OBI1: variants seen among roughly 807,000 people sequenced by gnomAD.
OBI1 encodes ORC ubiquitin ligase 1.
Under a neutral mutation model 62.4 loss-of-function variants are expected in OBI1, and 59 were observed. That is an observed-to-expected ratio of 0.95 (90% CI 0.77 to 1.17). The LOEUF is 1.17. OBI1 is among the 50% of genes most tolerant of loss of function. The probability of loss-of-function intolerance (pLI) is 0.00; values close to 1 mark genes in which losing one functional copy is unlikely to be tolerated. For missense variants in OBI1, 875 were observed against 830.9 expected, an observed-to-expected ratio of 1.05 and a Z score of -0.65; for synonymous variants, 302 against 292.8, an observed-to-expected ratio of 1.03 and a Z score of -0.32.
intron 1 of OBI1, among the ~76,000 whole-genome samples, chr13:78,654,473 C>T (rs1021954425): frequency 2.6e-5 from 4 of 152,154 alleles, no homozygotes; most frequent in Non-Finnish European, 5.9e-5. Flanking sequence ...ACATGGGCTC[C>T]ATGTACTGAC....
At position 78,648,311 on chromosome 13, in the gene OBI1, CAG is replaced by C. The variant is rs1555290041; in HGVS notation, c.73-3316_73-3315del. Among the ~76,000 whole-genome samples, 15 of 143,986 alleles carry C rather than the reference CAG, an allele frequency of 1.0e-4. No individual in the cohort carries two copies. In the South Asian group the frequency reaches 2.5e-3, roughly 24 times the overall value. The allele number at this position is 143,986 out of a possible 152,430, so 94.5% of individuals were successfully genotyped here. A position where few individuals can be genotyped will look rare whatever the true frequency, so the allele number is the denominator to read the frequency against. On this transcript the variant is annotated intron_variant, in intron 1 of 5. Coordinates refer to ENST00000282003, the MANE Select transcript of OBI1 (RefSeq NM_024546.4). ...ACACACACACACACACACACACACA[CAG>C]ACACACACACCCCTGCAATATTCCT... is the stretch of plus-strand genomic sequence containing the variant.
chr13:78,642,811 C>T (rs1012182848), intron 2 of OBI1, among the ~76,000 whole-genome samples: 8 of 152,116 alleles, frequency 5.3e-5, no homozygotes, highest in Non-Finnish European at 7.4e-5. Flanking sequence ...GGCATGAACC[C>T]GGGAGGCGGA....
At chr13:78,647,302 G>A (rs139716989) in intron 1 of OBI1, among the ~76,000 whole-genome samples, 28 of 152,318 alleles carry the variant, frequency 1.8e-4, no homozygotes, top group Middle Eastern at 6.8e-3. Context: ...TGCCTGCCCC[G>A]GGAATGGAAT....
At chr13:78,627,490 A>G (rs1053194420) in intron 5 of OBI1, among the ~76,000 whole-genome samples, 1 of 152,024 alleles carries the variant, frequency 6.6e-6, no homozygotes, top group Admixed American at 6.6e-5. Context: ...TGTGCTCTCA[A>G]TGTTCAATTT....
At chr13:78,626,159 ACT>A (rs1192254196) in intron 5 of OBI1, among the ~76,000 whole-genome samples, 5 of 152,098 alleles carry the variant, frequency 3.3e-5, no homozygotes, top group African/African-American at 4.8e-5. Context: ...TCTCTTTCTA[ACT>A]CTGAATCTCT....
Position 78,616,122 on chromosome 13 carries a change from C to G in OBI1, c.1639G>C (p.Glu547Gln), listed in dbSNP as rs776327321. The G allele has an allele frequency of 6.2e-7, 1 of 1,614,146 alleles. No homozygotes were observed. The highest frequency in any genetic ancestry group is 8.5e-7 in the Non-Finnish European group (1 of 1,180,026). ...KISELDSMMS[E>Q]SDNSKSPCNN... ...CAAGGGCTCTTGCTGTTGTCTGACTCTGACATCATTGAATCCAACTCAGAG... is the reference window on the plus strand; with the variant it reads ...CAAGGGCTCTTGCTGTTGTCTGACTGTGACATCATTGAATCCAACTCAGAG... Residue 547 changes from glutamate to glutamine, a missense_variant, in exon 6 of 6, where the codon GAG (glutamate) becomes CAG (glutamine). By Grantham distance (29) the Glu-to-Gln change is conservative (BLOSUM62 2). Coordinates refer to ENST00000282003, the MANE Select transcript of OBI1 (RefSeq NM_024546.4).
intron 5 of OBI1, among the ~76,000 whole-genome samples, chr13:78,628,941 C>G (rs1260565946): frequency 6.6e-6 from 1 of 152,132 alleles, no homozygotes; most frequent in Non-Finnish European, 1.5e-5. Context: ...TTTATAATCT[C>G]TGACACATAG....
At chr13:78,648,279 AACACACAC>A (rs3064402) in intron 1 of OBI1, among the ~76,000 whole-genome samples, 15 of 146,784 alleles carry the variant, frequency 1.0e-4, no homozygotes, top group South Asian at 2.2e-4. Flanking sequence ...ACTTCCCCCA[AACACACAC>A]ACACACACAC....
chr13:78,647,115 C>T (rs983862024), intron 1 of OBI1, among the ~76,000 whole-genome samples: 1 of 152,250 alleles, frequency 6.6e-6, no homozygotes, highest in Non-Finnish European at 1.5e-5. Context: ...GACCTCTGCA[C>T]AGGAAAGCCG....
At chr13:78,632,472 T>A (rs1004339353) in intron 5 of OBI1, among the ~76,000 whole-genome samples, 19 of 152,188 alleles carry the variant, frequency 1.2e-4, no homozygotes, top group African/African-American at 4.6e-4. Flanking sequence ...GTAGAATACT[T>A]CTGCTCAACT....
chr13:78,659,124 AGCGTTCAGAATC>A lies in OBI1; in HGVS notation c.-16_-5del. ...CATTCTGCACGGTCTGAGCCATGGCAGCGTTCAGAATCCCGCCAACACGGAAGTCCCGCCGAC... is the reference window on the plus strand; with the variant it reads ...CATTCTGCACGGTCTGAGCCATGGCACCGCCAACACGGAAGTCCCGCCGAC... On this transcript the variant is annotated 5_prime_UTR_variant, in exon 1 of 6. Coordinates refer to ENST00000282003, the MANE Select transcript of OBI1 (RefSeq NM_024546.4). 1.2e-6 allele frequency: 2 copies of A among 1,610,216 alleles called. No homozygotes were observed. The highest frequency in any genetic ancestry group is 1.7e-6 in the Non-Finnish European group (2 of 1,178,404).
At chr13:78,630,266 T>G (rs1416841536) in intron 5 of OBI1, among the ~76,000 whole-genome samples, 1 of 152,062 alleles carries the variant, frequency 6.6e-6, no homozygotes, top group East Asian at 1.9e-4. Context: ...TTTGCTGGGG[T>G]TTTTTTCCTT....
chr13:78,640,908 TAA>T (rs1876194874), intron 3 of OBI1, among the ~76,000 whole-genome samples: 1 of 152,212 alleles, frequency 6.6e-6, no homozygotes, highest in Admixed American at 6.5e-5. Context: ...CATTCCAGAA[TAA>T]TATCTGTAGT....
At position 78,614,361 on chromosome 13, in the gene OBI1, TTAATG is replaced by T. The variant is rs1374941264; in HGVS notation, c.*1214_*1218del. On this transcript the variant is annotated 3_prime_UTR_variant, in exon 6 of 6. Coordinates refer to ENST00000282003, the MANE Select transcript of OBI1 (RefSeq NM_024546.4). The stretch of plus-strand genomic sequence containing the variant: ...AGTATTAATGTAAAACAGTACAATA[TTAATG>T]TAAAATGTTCAGTGCACATTAAACA... The T allele has an allele frequency of 1.3e-5, 2 of 152,736 alleles. No homozygotes were observed. The highest frequency in any genetic ancestry group is 4.8e-5 in the African/African-American group (2 of 41,556). 9.5% of individuals were successfully genotyped at this position (152,736 alleles called of 1,614,324 possible). A position where few individuals can be genotyped will look rare whatever the true frequency, so the allele number is the denominator to read the frequency against.
chr13:78,622,867 C>A (rs139416471), intron 5 of OBI1, among the ~76,000 whole-genome samples: 2 of 152,050 alleles, frequency 1.3e-5, no homozygotes, highest in African/African-American at 4.8e-5. Context: ...TTAGGAAAAG[C>A]GGACAGGGAG....
At chr13:78,654,790 G>C (rs766493300) in intron 1 of OBI1, among the ~76,000 whole-genome samples, 6 of 152,128 alleles carry the variant, frequency 3.9e-5, no homozygotes, top group Non-Finnish European at 7.3e-5. Context: ...TTAATATTAA[G>C]TAGAAATCAT....
At chr13:78,619,860 C>A (rs1875452868) in intron 5 of OBI1, among the ~76,000 whole-genome samples, 1 of 152,174 alleles carries the variant, frequency 6.6e-6, no homozygotes, top group Non-Finnish European at 1.5e-5. Flanking sequence ...TACATTGAGA[C>A]AGGGTTGACA....
intron 5 of OBI1, among the ~76,000 whole-genome samples, chr13:78,624,205 C>T (rs1875598046): frequency 3.3e-5 from 5 of 152,112 alleles, no homozygotes; most frequent in Admixed American, 6.5e-5. Flanking sequence ...ATACAAGCTA[C>T]GTTATGTTGC....
intron 1 of OBI1, 37 bp from the exon 2 acceptor site, chr13:78,645,034 G>C: frequency 6.4e-7 from 1 of 1,567,384 alleles, no homozygotes; most frequent in Non-Finnish European, 8.6e-7. Context: ...ACAGGACAAC[G>C]GTCATAATTA....
Sources: gnomAD v4.1 joint callset for allele counts (sites outside exome capture counted in the v4.1 genomes callset) on GRCh38, gnomAD v4.1.1 for gene constraint, MANE v1.5 for transcripts, NCBI Gene and HGNC (gene_info 2026-07-23, HGNC 2026-07-21) for gene names.